Variants in MAX observed in about 807,000 individuals in gnomAD.
MAX encodes the protein MYC associated transcriptional regulator X.
Under a neutral mutation model 22.3 loss-of-function variants are expected in MAX, and 3 were observed. That is an observed-to-expected ratio of 0.13 (90% CI 0.06 to 0.35). MAX has a LOEUF of 0.35. MAX is among the 10% of genes least tolerant of loss of function. The pLI is 1.00. For missense variants in MAX, 119 were observed against 209.4 expected (o/e 0.57, Z 2.66); for synonymous variants, 72 against 77.7 (o/e 0.93, Z 0.39).
In MAX at chr14:65,082,501, T is replaced by G. The variant is rs1353481239; in HGVS notation, c.172-4465A>C. The G allele has an allele frequency of 6.6e-6, 1 of 152,262 alleles. No individual in the cohort carries two copies. Among genetic ancestry groups the G allele is most frequent in the Non-Finnish European group, 1.5e-5 (1 of 68,094 alleles). The allele number at this position is 152,262 out of a possible 1,614,324, so 9.4% of individuals were successfully genotyped here. A position where few individuals can be genotyped will look rare whatever the true frequency, so the allele number is the denominator to read the frequency against. Reference sequence around the variant, plus strand: ...GAAGTAGGCCAGGTGCAGTGGCTCATGCCTGTAATCCCAGCACCCTGGGAG... The same window carrying G: ...GAAGTAGGCCAGGTGCAGTGGCTCAGGCCTGTAATCCCAGCACCCTGGGAG... On this transcript the variant is annotated intron_variant, in intron 3 of 4. Coordinates refer to ENST00000358664, the MANE Select transcript of MAX (RefSeq NM_002382.5). The surrounding 1 kb of genome is among the most constrained non-coding windows in gnomAD (Gnocchi z 4.8).
chr14:65,065,930 C>G (rs2062927078), intron 3 of MAX, among the ~76,000 whole-genome samples: 1 of 152,214 alleles, frequency 6.6e-6, no homozygotes, highest in African/African-American at 2.4e-5. Flanking sequence ...TTACGTAAAT[C>G]ACCCAAGGTT....
intron 3 of MAX, among the ~76,000 whole-genome samples, chr14:65,089,059 C>A (rs2139838435): frequency 6.6e-6 from 1 of 152,326 alleles, no homozygotes; most frequent in East Asian, 1.9e-4. Context: ...AATCCTCTTT[C>A]CCAACAACAG....
chr14:65,097,158 A>C (rs2063697188), intron 2 of MAX, among the ~76,000 whole-genome samples: 1 of 152,320 alleles, frequency 6.6e-6, no homozygotes, highest in East Asian at 1.9e-4. Context: ...CAGAATAAAA[A>C]TCTTCACCTA....
chr14:65,098,025 T>C (rs2063718490), intron 2 of MAX, among the ~76,000 whole-genome samples: 1 of 152,212 alleles, frequency 6.6e-6, no homozygotes, highest in African/African-American at 2.4e-5. Flanking sequence ...CCTCATACTA[T>C]AGCCATTTCA....
rs755094258 is a variant in MAX at position 65,032,614 on chromosome 14, G to T, written c.172-26330C>A. The T allele has an allele frequency of 9.3e-6, 15 of 1,613,308 alleles. No individual in the cohort carries two copies. In the Admixed American group the frequency reaches 1.2e-4, roughly 13 times the overall value. ...TTCCCGTTTCTGTCTTTCCAGAAGC[G>T]CATACTGTGCTGCCTCCGTAGCCTC... On this transcript the variant is annotated intron_variant, in intron 3 of 3. Transcript: ENST00000341653. The surrounding 1 kb of genome is among the most constrained non-coding windows in gnomAD (Gnocchi z 5.0).
In MAX at chr14:65,044,182, A is replaced by G. The variant is rs2062423785; in HGVS notation, c.172-37898T>C. 3 of 1,523,920 alleles carry G rather than the reference A, an allele frequency of 2.0e-6. No individual in the cohort carries two copies. The highest frequency in any genetic ancestry group is 1.8e-6 in the Non-Finnish European group (2 of 1,119,596). 94.4% of individuals were successfully genotyped at this position (1,523,920 alleles called of 1,614,324 possible). ...GGGAAGGAAAGAAAACCAGAGCACC[A>G]AAACTAGAGTGCCAAGAAGCCACAA... On this transcript the variant is annotated intron_variant, in intron 3 of 3. Transcript: ENST00000341653. The surrounding 1 kb of genome is among the most constrained non-coding windows in gnomAD (Gnocchi z 5.5).
rs1357343587 is a variant in MAX, at chr14:65,029,199, G to A, written c.172-22915C>T. Among the ~76,000 whole-genome samples the A allele has an allele frequency of 6.6e-6, 1 of 152,200 alleles. No homozygotes were observed. The highest frequency in any genetic ancestry group is 1.5e-5 in the Non-Finnish European group (1 of 68,038). ...TACATAAAGGATTAAAGATATGAAT[G>A]ATAGAGAAAAGCTAGCAGATTGCAT... On this transcript the variant is annotated intron_variant, in intron 3 of 3. Coordinates refer to the MAX transcript ENST00000341653. The surrounding 1 kb of genome is among the most constrained non-coding windows in gnomAD (Gnocchi z 4.7).
intron 3 of MAX, among the ~76,000 whole-genome samples, chr14:65,041,630 C>T (rs2062355854): frequency 6.6e-6 from 1 of 152,212 alleles, no homozygotes; most frequent in Admixed American, 6.5e-5. Context: ...ATGCCAGCCT[C>T]CCGTTATGCG....
chr14:65,057,909 T>C (rs575595235), intron 3 of MAX, among the ~76,000 whole-genome samples: 1 of 152,310 alleles, frequency 6.6e-6, no homozygotes, highest in Non-Finnish European at 1.5e-5. Context: ...GTTCCTTTGG[T>C]CTGTTTGCCT....
At chr14:65,055,103 T>C (rs923277948) in intron 3 of MAX, among the ~76,000 whole-genome samples, 3 of 152,254 alleles carry the variant, frequency 2.0e-5, no homozygotes, top group African/African-American at 7.2e-5. Flanking sequence ...AGATGCCATC[T>C]CTTCAGAGAA....
chr14:65,074,869 T>A (rs2139726926), downstream of MAX, among the ~76,000 whole-genome samples: 1 of 152,322 alleles, frequency 6.6e-6, no homozygotes, highest in South Asian at 2.1e-4. Flanking sequence ...CTAGAAATGT[T>A]GCCACAGCTA....
intron 3 of MAX, among the ~76,000 whole-genome samples, chr14:65,060,870 CAAAAAAA>C (rs58241887): frequency 0.069 from 5,524 of 79,550 alleles, 320 homozygotes; most frequent in African/African-American, 0.19. Context: ...AAGACTCTCT[CAAAAAAA>C]AAAAAAAAAA....
At chr14:65,100,617 T>A (rs1424553183) in intron 2 of MAX, among the ~76,000 whole-genome samples, 1 of 152,208 alleles carries the variant, frequency 6.6e-6, no homozygotes, top group East Asian at 1.9e-4. Flanking sequence ...ATGGCCCTCA[T>A]GGGCATTTGA....
chr14:65,100,716 G>C (rs1249328497), intron 2 of MAX, among the ~76,000 whole-genome samples: 1 of 152,110 alleles, frequency 6.6e-6, no homozygotes, highest in East Asian at 1.9e-4. Flanking sequence ...TCCCCTCGCT[G>C]ATTCTGATTT....
chr14:65,046,903 TA>T (rs1315039268), intron 3 of MAX, among the ~76,000 whole-genome samples: 2 of 151,738 alleles, frequency 1.3e-5, no homozygotes, highest in Admixed American at 6.6e-5. Flanking sequence ...ATTTCTTGCA[TA>T]AAAAAAGACA....
In MAX at chr14:65,012,090, T is replaced by C. The variant is rs1171227513; in HGVS notation, c.172-5806A>G. The C allele has an allele frequency of 4.0e-6, 2 of 504,966 alleles. No homozygotes were observed. The highest frequency in any genetic ancestry group is 1.9e-5 in the African/African-American group (1 of 51,480). 31.3% of individuals were successfully genotyped at this position (504,966 alleles called of 1,614,324 possible). ...CTTTAGGAGACAATCGCACTCTAAA[T>C]GTCAGCTGGCATGGTTTTCAGATGC... On this transcript the variant is annotated intron_variant, in intron 3 of 3. Coordinates refer to the MAX transcript ENST00000341653. This position sits in a 1 kb window ranked among gnomAD's most constrained non-coding sequence, Gnocchi z 5.0.
rs969659392 is a variant in MAX, at chr14:65,088,896, T to C, written c.171+4812A>G. On this transcript the variant is annotated intron_variant, in intron 3 of 4. Transcript: ENST00000358664. The surrounding 1 kb of genome is among the most constrained non-coding windows in gnomAD (Gnocchi z 5.2). Reference sequence around the variant, plus strand: ...TGAGAGCCTTTATCCTTAAGAATCATGTTCCCTGCCATAAGGGAACTATTA... The same window carrying C: ...TGAGAGCCTTTATCCTTAAGAATCACGTTCCCTGCCATAAGGGAACTATTA... 1.3e-5 allele frequency among the ~76,000 whole-genome samples: 2 copies of C among 151,574 alleles called. No individual in the cohort carries two copies. The highest frequency in any genetic ancestry group is 4.8e-5 in the African/African-American group (2 of 41,408).
rs1388502970 is a variant in MAX at position 65,023,241 on chromosome 14, T to G, written c.172-16957A>C. ...GCCTGGTTAATTTTTATAATTCTTG[T>G]AGAGATGGGGTTTTGCCATGTTGCC... On this transcript the variant is annotated intron_variant, in intron 3 of 3. Coordinates refer to the MAX transcript ENST00000341653. This position sits in a 1 kb window ranked among gnomAD's most constrained non-coding sequence, Gnocchi z 4.1. Among the ~76,000 whole-genome samples, 1 of 152,118 alleles carries G rather than the reference T, an allele frequency of 6.6e-6. No homozygotes were observed. The highest frequency in any genetic ancestry group is 2.4e-5 in the African/African-American group (1 of 41,416).
At chr14:65,083,700 A>G in intron 3 of MAX, 1 of 1,038,978 alleles carries the variant, frequency 9.6e-7, no homozygotes, top group Non-Finnish European at 1.2e-6. Context: ...CCTAAGAACC[A>G]AAATGCCATA....
Sources: allele counts gnomAD v4.1 joint callset (sites outside exome capture counted in the v4.1 genomes callset), GRCh38; gene constraint gnomAD v4.1.1; non-coding constraint Gnocchi (gnomAD v3.1); transcripts MANE v1.5; gene names NCBI Gene and HGNC (gene_info 2026-07-23, HGNC 2026-07-21).